Variants in LPIN1 observed in about 807,000 individuals in gnomAD.
LPIN1 encodes the protein lipin 1, also known as phosphatidate phosphatase LPIN1.
Under a neutral mutation model 107.5 loss-of-function variants are expected in LPIN1, and 71 were observed. The ratio of observed to expected loss-of-function variants is 0.66; its 90% confidence interval spans 0.55 to 0.80. The LOEUF (loss-of-function observed/expected upper bound fraction) is 0.80, where lower values mean the gene tolerates loss of function less well. Among genes scored for constraint, LPIN1 ranks in the 30% least tolerant of loss-of-function variants. LPIN1 has a pLI of 0.00. For synonymous variants in LPIN1, 445 were observed against 452.6 expected (o/e 0.98, Z 0.21); for missense variants, 1,043 against 1,160.6 (o/e 0.90, Z 1.47).
rs1253373513 is a variant in LPIN1 at position 11,771,844 on chromosome 2, TTTCCA to T, written c.596+167_596+171del. 6.6e-6 allele frequency among the ~76,000 whole-genome samples: 1 copy of T among 152,218 alleles called. No individual in the cohort carries two copies. The highest frequency in any genetic ancestry group is 2.4e-5 in the African/African-American group (1 of 41,456). On this transcript the variant is annotated intron_variant, in intron 4 of 20. Coordinates refer to ENST00000674199, the MANE Select transcript of LPIN1 (RefSeq NM_001349206.2). The surrounding 1 kb of genome is among the most constrained non-coding windows in gnomAD (Gnocchi z 4.8). ...GGGACCAGTTTTGTGGAAGACAGTGTTTCCATGGACCAGGGGTGGATGGTTTTAGG... is the reference window on the plus strand; with the variant it reads ...GGGACCAGTTTTGTGGAAGACAGTGTTGGACCAGGGGTGGATGGTTTTAGG...
At position 11,802,896 on chromosome 2, in the gene LPIN1, G is replaced by T; in HGVS notation, c.1887-11G>T. The T allele has an allele frequency of 1.2e-6, 2 of 1,612,662 alleles. No homozygotes were observed. Among genetic ancestry groups the T allele is most frequent in the East Asian group, 2.2e-5 (1 of 44,880 alleles). On this transcript the variant is annotated splice_polypyrimidine_tract_variant and intron_variant, in intron 14 of 20. Transcript: ENST00000674199. ...TTTTCTAATTGGTGATGACATCACT[G>T]TGTGTTCCAGGGTAAAGCATGAATC...
chr2:11,724,702 A>ATTGACCTGTGTCACC, intron 1 of LPIN1: 2 of 938,340 alleles, frequency 2.1e-6, no homozygotes, highest in Non-Finnish European at 2.5e-6. Context: ...CCGGTGACAC[A>ATTGACCTGTGTCACC]GGTCAATGTG....
intron 3 of LPIN1, 97 bp downstream of exon 3, chr2:11,767,955 G>T: frequency 1.2e-6 from 1 of 827,740 alleles, no homozygotes; most frequent in Non-Finnish European, 2.1e-6. Flanking sequence ...AGTAATACCG[G>T]CCGTGGCTGT....
At chr2:11,691,920 G>T (rs1471223798) in intron 1 of LPIN1, among the ~76,000 whole-genome samples, 3 of 152,196 alleles carry the variant, frequency 2.0e-5, no homozygotes, top group Non-Finnish European at 4.4e-5. Flanking sequence ...CTTATCAAAT[G>T]CTTCTCTGAA....
chr2:11,711,354 G>A (rs1663397511), intron 1 of LPIN1, among the ~76,000 whole-genome samples: 1 of 152,150 alleles, frequency 6.6e-6, no homozygotes, highest in Non-Finnish European at 1.5e-5. Flanking sequence ...TTCATTAGCT[G>A]CCATATTAAG....
At position 11,786,955 on chromosome 2, in the gene LPIN1, A is replaced by G. The variant is rs1674698387; in HGVS notation, c.1550-119A>G. The G allele has an allele frequency of 2.7e-6, 2 of 749,814 alleles. No individual in the cohort carries two copies. The highest frequency in any genetic ancestry group is 4.9e-6 in the Non-Finnish European group (2 of 411,366). 46.4% of individuals were successfully genotyped at this position (749,814 alleles called of 1,614,324 possible). The stretch of plus-strand genomic sequence containing the variant: ...AAATACATTTTATAGGATTGTCTGC[A>G]CAGTTGGAATGCACAAACTCTCAGA... On this transcript the variant is annotated intron_variant, in intron 10 of 20. Transcript: ENST00000674199. The surrounding 1 kb of genome is among the most constrained non-coding windows in gnomAD (Gnocchi z 4.1).
Position 11,812,520 on chromosome 2 carries a change from C to T in LPIN1, c.2250-2568C>T, listed in dbSNP as rs1157494880. 2.0e-5 allele frequency among the ~76,000 whole-genome samples: 3 copies of T among 152,184 alleles called. No homozygotes were observed. In the East Asian group the frequency reaches 5.8e-4, roughly 29 times the overall value. On this transcript the variant is annotated intron_variant, in intron 17 of 20. Transcript: ENST00000674199. ...TAGATGAGGTGAGGGTACAAGCAGT[C>T]CCTGCAGACTGGGGGAAAGGTGCTC...
chr2:11,724,522 A>C (rs1379005328), exon 1 of LPIN1: 1 of 985,636 alleles, frequency 1.0e-6, no homozygotes, highest in African/African-American at 1.7e-5. Context: ...AAAAAGGAGA[A>C]TCCACCAGGA....
At chr2:11,704,184 G>A (rs1663018308) in intron 1 of LPIN1, among the ~76,000 whole-genome samples, 1 of 152,264 alleles carries the variant, frequency 6.6e-6, no homozygotes, top group Non-Finnish European at 1.5e-5. Context: ...CATGTTATTG[G>A]TCAAGCAAGT....
chr2:11,747,052 CT>C (rs1667064676), intron 1 of LPIN1, among the ~76,000 whole-genome samples: 1 of 152,186 alleles, frequency 6.6e-6, no homozygotes, highest in Non-Finnish European at 1.5e-5. Context: ...TGCGTCCTGG[CT>C]CTGCGCGATC....
rs145608684 is a variant in LPIN1, at chr2:11,802,913, G to T, written c.1893G>T (p.Lys631Asn). ...PPQLSLATRV[K>N]HESSSSDEER... ...ACATCACTGTGTGTTCCAGGGTAAA[G>T]CATGAATCATCCTCCAGTGATGAGG... Residue 631 changes from lysine (K) to asparagine (N), a missense_variant, in exon 15 of 21, where the codon AAG becomes AAT. By Grantham distance (94) the Lys-to-Asn change is moderately conservative. Coordinates refer to ENST00000674199, the MANE Select transcript of LPIN1 (RefSeq NM_001349206.2). 77 of 1,613,230 alleles carry T rather than the reference G, an allele frequency of 4.8e-5. No homozygotes were observed. The African/African-American group carries it at 6.5e-4, about 14-fold the overall frequency.
chr2:11,765,461 G>T lies in LPIN1; in HGVS notation c.-9-72G>T. On this transcript the variant is annotated intron_variant, in intron 1 of 20. Transcript: ENST00000674199. This position sits in a 1 kb window ranked among gnomAD's most constrained non-coding sequence, Gnocchi z 4.4. ...TAATCCACGTTTTTGAAATGGTGAG[G>T]AGTTCATTTTGATTGGCTCTTCCTT... is the stretch of plus-strand genomic sequence containing the variant. The T allele has an allele frequency of 7.2e-7, 1 of 1,384,672 alleles. No homozygotes were observed. The highest frequency in any genetic ancestry group is 1.0e-6 in the Non-Finnish European group (1 of 994,078). 85.8% of individuals were successfully genotyped at this position (1,384,672 alleles called of 1,614,324 possible).
intron 17 of LPIN1, among the ~76,000 whole-genome samples, chr2:11,809,051 G>A (rs1367964763): frequency 6.6e-6 from 1 of 151,680 alleles, no homozygotes; most frequent in African/African-American, 2.4e-5. Context: ...TGTTCATAGA[G>A]AGGGTATAAA....
rs376390042 is a variant in LPIN1 at position 11,782,431 on chromosome 2, G to T, written c.1188G>T (p.Met396Ile). Residue 396 changes from methionine (M) to isoleucine (I), a missense_variant, in exon 8 of 21, where the codon ATG becomes ATT. Met to Ile is a conservative substitution (Grantham distance 10). Coordinates refer to ENST00000674199, the MANE Select transcript of LPIN1 (RefSeq NM_001349206.2). Reference sequence around the variant, plus strand: ...GAGCAGCAGCGCCACTCTTGCCCATGATCGAGGAGCTCAAACCCCCCTCTG... The same window carrying T: ...GAGCAGCAGCGCCACTCTTGCCCATTATCGAGGAGCTCAAACCCCCCTCTG... ...TLGAAAPLLP[M>I]IEELKPPSAS... 2 of 1,614,052 alleles carry T rather than the reference G, an allele frequency of 1.2e-6. No homozygotes were observed. The highest frequency in any genetic ancestry group is 2.7e-5 in the African/African-American group (2 of 74,912).
chr2:11,820,462 G>A lies in LPIN1; in HGVS notation c.2569G>A (p.Val857Ile), dbSNP rs557485971. ...VGVSLNRIFTVNPKGELVQEH... is the reference protein window; with the variant it reads ...VGVSLNRIFTINPKGELVQEH... Reference sequence around the variant, plus strand: ...AGTGTCTTTGAATAGAATATTTACCGTCAACCCTAAAGGAGAGCTGGTACA... The same window carrying A: ...AGTGTCTTTGAATAGAATATTTACCATCAACCCTAAAGGAGAGCTGGTACA... Residue 857 changes from valine (V) to isoleucine (I), a missense_variant, in exon 20 of 21, where the codon GTC (valine) becomes ATC (isoleucine). Val to Ile is a conservative substitution (Grantham distance 29). Transcript: ENST00000674199. 3.0e-5 allele frequency: 48 copies of A among 1,613,558 alleles called. No homozygotes were observed. Among genetic ancestry groups the A allele is most frequent in the African/African-American group, 5.3e-5 (4 of 74,986 alleles).
At chr2:11,693,966 C>G (rs1457751972) in intron 1 of LPIN1, among the ~76,000 whole-genome samples, 1 of 149,182 alleles carries the variant, frequency 6.7e-6, no homozygotes, top group Non-Finnish European at 1.5e-5. Flanking sequence ...TCCCGAATAG[C>G]TGGGATTACA....
intron 1 of LPIN1, among the ~76,000 whole-genome samples, chr2:11,730,383 A>G (rs111665644): frequency 0.011 from 1,699 of 152,196 alleles, 34 homozygotes; most frequent in African/African-American, 0.039. Flanking sequence ...GACCCCATCT[A>G]CTGCACACCT....
chr2:11,713,694 A>G lies in LPIN1; in HGVS notation c.82-62A>G, dbSNP rs1050450796. ...AGTATATTGGCAAAGTTATGCAACC[A>G]TTACCACCACCTAATTCCAGAACAT... On this transcript the variant is annotated intron_variant, in intron 1 of 21. Coordinates refer to the LPIN1 transcript ENST00000449576. 1.7e-5 allele frequency: 17 copies of G among 1,000,848 alleles called. No homozygotes were observed. In the Admixed American group the frequency reaches 3.7e-4, roughly 22 times the overall value. 62.0% of individuals were successfully genotyped at this position (1,000,848 alleles called of 1,614,324 possible).
chr2:11,813,981 TA>T (rs1277330586), intron 17 of LPIN1, among the ~76,000 whole-genome samples: 1 of 151,914 alleles, frequency 6.6e-6, no homozygotes, highest in African/African-American at 2.4e-5. Flanking sequence ...GTTCATAGAC[TA>T]GTTGTTTCTT....
Sources: allele counts gnomAD v4.1 joint callset (sites outside exome capture counted in the v4.1 genomes callset), GRCh38; gene constraint gnomAD v4.1.1; non-coding constraint Gnocchi (gnomAD v3.1); transcripts MANE v1.5; gene names NCBI Gene and HGNC (gene_info 2026-07-23, HGNC 2026-07-21).